The following PLAC1 variants were observed in gnomAD, a reference collection of about 807,000 sequenced individuals.
PLAC1 encodes placenta-specific protein 1.
For synonymous variants in PLAC1, 68 were observed against 62.1 expected (o/e 1.09, Z -0.44); for missense variants, 136 against 163.2 (o/e 0.83, Z 0.91).
intron 1 of PLAC1, among the ~76,000 whole-genome samples, chrX:134,616,657 C>CA (rs1306588112): frequency 2.7e-5 from 3 of 109,349 alleles, no homozygotes; most frequent in Admixed American, 9.7e-5. Context: ...AACAAAACAA[C>CA]AAAAAAAAAT....
In PLAC1 at chrX:134,602,069, G is replaced by A. The variant is rs1166767545; in HGVS notation, c.-77C>T. The A allele has an allele frequency of 8.9e-6, 1 of 112,801 alleles. No individual in the cohort carries two copies. The highest frequency in any genetic ancestry group is 9.4e-5 in the Admixed American group (1 of 10,583). 9.3% of individuals were successfully genotyped at this position (112,801 alleles called of 1,213,427 possible). ...AACTAACCTTCTTCTGGCAGCTGGG[G>A]ATAATTTGTCAGTTTCCTTTGAAAT... On this transcript the variant is annotated 5_prime_UTR_variant, in exon 2 of 3. Coordinates refer to ENST00000359237, the MANE Select transcript of PLAC1 (RefSeq NM_021796.4).
intron 2 of PLAC1, among the ~76,000 whole-genome samples, chrX:134,569,962 A>G (rs2077898845): frequency 9.0e-6 from 1 of 110,521 alleles, no homozygotes; most frequent in Non-Finnish European, 1.9e-5. Flanking sequence ...AGTAGCTGGG[A>G]CTACAGGCAG....
intron 1 of PLAC1, among the ~76,000 whole-genome samples, chrX:134,638,105 A>G (rs1394143281): frequency 8.9e-6 from 1 of 112,249 alleles, no homozygotes; most frequent in Non-Finnish European, 1.9e-5. Flanking sequence ...TATTTCTCAG[A>G]AAGAGGATGA....
intron 2 of PLAC1, among the ~76,000 whole-genome samples, chrX:134,691,241 A>G (rs1288112038): frequency 1.9e-5 from 2 of 107,655 alleles, no homozygotes; most frequent in Non-Finnish European, 3.8e-5. Context: ...TTTCTTGTAC[A>G]TATCCTCTGA....
At chrX:134,713,322 C>T (rs2078633688) in intron 2 of PLAC1, among the ~76,000 whole-genome samples, 1 of 112,488 alleles carries the variant, frequency 8.9e-6, no homozygotes, top group Non-Finnish European at 1.9e-5. Flanking sequence ...GTAAAGTCCA[C>T]TGTGATTATG....
chrX:134,756,718 G>A (rs979877334), intron 1 of PLAC1, among the ~76,000 whole-genome samples: 1 of 109,460 alleles, frequency 9.1e-6, no homozygotes, highest in Non-Finnish European at 1.9e-5. Context: ...GCGTGGTGGC[G>A]GGTGCCTGTA....
At chrX:134,658,890 A>T (rs1459314675), upstream of PLAC1, among the ~76,000 whole-genome samples, 1 of 111,924 alleles carries the variant, frequency 8.9e-6, no homozygotes, top group East Asian at 2.8e-4. Flanking sequence ...GGGAATACAA[A>T]AACAAATAAT....
chrX:134,602,327 G>C (rs2078092637), intron 1 of PLAC1, among the ~76,000 whole-genome samples: 1 of 112,117 alleles, frequency 8.9e-6, no homozygotes, highest in South Asian at 3.7e-4. Flanking sequence ...AGGGCTGCTG[G>C]ACAGCATTTG....
At chrX:134,587,438 G>A (rs761495292) in intron 2 of PLAC1, among the ~76,000 whole-genome samples, 12 of 108,996 alleles carry the variant, frequency 1.1e-4, no homozygotes, top group Admixed American at 3.9e-4. Context: ...AAAAATAGCC[G>A]GTCATGGTTG....
At chrX:134,726,387 A>G (rs1602938513) in intron 2 of PLAC1, among the ~76,000 whole-genome samples, 2 of 111,304 alleles carry the variant, frequency 1.8e-5, no homozygotes, top group East Asian at 5.6e-4. Context: ...CACTACTGTA[A>G]TTTTCTATAC....
chrX:134,756,632 G>A (rs1173036799), intron 1 of PLAC1, among the ~76,000 whole-genome samples: 2 of 110,393 alleles, frequency 1.8e-5, no homozygotes, highest in African/African-American at 6.6e-5. Flanking sequence ...GGCGGATCAC[G>A]AGGTCAGGGT....
intron 2 of PLAC1, among the ~76,000 whole-genome samples, chrX:134,593,547 G>A (rs1283954232): frequency 1.8e-5 from 2 of 112,084 alleles, no homozygotes; most frequent in Non-Finnish European, 3.8e-5. Flanking sequence ...TACATGGTAT[G>A]CTTCTCCATT....
intron 2 of PLAC1, among the ~76,000 whole-genome samples, chrX:134,670,247 C>A (rs2078451362): frequency 9.0e-6 from 1 of 110,539 alleles, no homozygotes; most frequent in Non-Finnish European, 1.9e-5. Flanking sequence ...CTCCATGCAT[C>A]TGTTTCCTGC....
At chrX:134,660,458 G>T (rs1434234768), upstream of PLAC1, among the ~76,000 whole-genome samples, 2 of 111,739 alleles carry the variant, frequency 1.8e-5, no homozygotes, top group African/African-American at 6.5e-5. Context: ...AGAATAGTTT[G>T]AAAAATACAG....
chrX:134,757,632 A>G (rs1460334301), intron 1 of PLAC1, among the ~76,000 whole-genome samples: 1 of 111,894 alleles, frequency 8.9e-6, no homozygotes, highest in Non-Finnish European at 1.9e-5. Flanking sequence ...AATATGGGCT[A>G]TGAATAAAAT....
chrX:134,748,595 C>T (rs940205527), intron 1 of PLAC1, among the ~76,000 whole-genome samples: 4 of 111,935 alleles, frequency 3.6e-5, no homozygotes, highest in Non-Finnish European at 7.5e-5. Context: ...TGAGTGACTC[C>T]TTATCTCTTA....
chrX:134,662,526 A>C (rs2078419937), upstream of PLAC1, among the ~76,000 whole-genome samples: 1 of 112,262 alleles, frequency 8.9e-6, no homozygotes, highest in Admixed American at 9.4e-5. Context: ...GATTGTCTTG[A>C]CCAAGAGTTG....
chrX:134,619,950 T>TTTTG (rs1239028349), intron 1 of PLAC1, among the ~76,000 whole-genome samples: 5 of 111,953 alleles, frequency 4.5e-5, no homozygotes, highest in African/African-American at 1.3e-4. Context: ...GCAGTAAGTT[T>TTTTG]TTTGTTTGTT....
At chrX:134,655,504 T>C (rs1452522091) in intron 1 of PLAC1, among the ~76,000 whole-genome samples, 111 of 112,180 alleles carry the variant, frequency 9.9e-4, no homozygotes, top group Non-Finnish European at 3.8e-4. Flanking sequence ...CCTAATATAA[T>C]CTAATTTCCA....
Sources: allele counts gnomAD v4.1 joint callset (sites outside exome capture counted in the v4.1 genomes callset), GRCh38; gene constraint gnomAD v4.1.1; transcripts MANE v1.5; gene names NCBI Gene and HGNC (gene_info 2026-07-23, HGNC 2026-07-21).